Variants in CD99L2 observed in about 807,000 individuals in gnomAD.
The protein encoded by CD99L2 is CD99 antigen-like protein 2.
In CD99L2, 24 loss-of-function variants were observed where a neutral mutation model predicts 27.3. The observed-to-expected ratio is 0.88, with a 90% CI of 0.64 to 1.24. CD99L2 has a LOEUF of 1.24. Among genes scored for constraint, CD99L2 ranks in the 50% most tolerant of loss-of-function variants. The pLI, the probability that CD99L2 is intolerant of heterozygous loss-of-function variation, is 0.00. For synonymous variants in CD99L2, 97 were observed against 87.9 expected (o/e 1.10, Z -0.58); for missense variants, 255 against 221.6 (o/e 1.15, Z -0.96).
At chrX:150,821,213 G>T (rs782115773) in intron 2 of CD99L2, among the ~76,000 whole-genome samples, 18 of 111,429 alleles carry the variant, frequency 1.6e-4, no homozygotes, top group Middle Eastern at 4.6e-3. Flanking sequence ...TAGCCAAATC[G>T]ATCTTTAAAA....
At chrX:150,894,521 TTGG>T (rs1449618792) in intron 1 of CD99L2, among the ~76,000 whole-genome samples, 1 of 111,529 alleles carries the variant, frequency 9.0e-6, no homozygotes, top group Non-Finnish European at 1.9e-5. Flanking sequence ...GAGCAGGCAC[TTGG>T]TGGCTTGCCA....
rs2046446591 is a variant in CD99L2 at position 150,831,648 on chromosome X, C to T, written c.68-355G>A. Among the ~76,000 whole-genome samples, 3 of 111,160 alleles carry T rather than the reference C, an allele frequency of 2.7e-5. No homozygotes were observed. The South Asian group carries it at 1.1e-3, about 42-fold the overall frequency. On this transcript the variant is annotated intron_variant, in intron 1 of 10. Coordinates refer to ENST00000370377, the MANE Select transcript of CD99L2 (RefSeq NM_031462.4). ...GGTCAGGAAAAATAACCAATGGGTG[C>T]TAGGCTTATTACCTAGGTGAGGAAG... is the stretch of plus-strand genomic sequence containing the variant.
At chrX:150,811,371 A>G (rs1352425846) in intron 4 of CD99L2, among the ~76,000 whole-genome samples, 1 of 111,809 alleles carries the variant, frequency 8.9e-6, no homozygotes, top group Non-Finnish European at 1.9e-5. Flanking sequence ...TTAAAAAGGA[A>G]ATAGAAAATC....
intron 2 of CD99L2, among the ~76,000 whole-genome samples, chrX:150,826,818 C>A (rs1343642000): frequency 9.0e-6 from 1 of 111,617 alleles, no homozygotes; most frequent in Admixed American, 9.5e-5. Flanking sequence ...GTAAGCCTGG[C>A]TCTTCTCTGC....
chrX:150,828,531 T>C (rs1157499699), intron 2 of CD99L2: 10 of 111,320 alleles, frequency 9.0e-5, no homozygotes, highest in African/African-American at 3.3e-4. Flanking sequence ...ACTCAATATA[T>C]AATACAAAGA....
At chrX:150,824,148 GGAA>G (rs1158974844) in intron 2 of CD99L2, among the ~76,000 whole-genome samples, 8 of 40,112 alleles carry the variant, frequency 2.0e-4, no homozygotes, top group African/African-American at 9.9e-4. Flanking sequence ...AGGAGAAGAA[GGAA>G]GGAGGAGGAG....
chrX:150,883,511 T>C (rs1365550208), intron 1 of CD99L2, among the ~76,000 whole-genome samples: 5 of 110,912 alleles, frequency 4.5e-5, no homozygotes, highest in Admixed American at 9.7e-5. Flanking sequence ...CCCCAGAGGA[T>C]TGCAAGAAAG....
At chrX:150,825,138 AGTTT>A (rs782644691) in intron 2 of CD99L2, among the ~76,000 whole-genome samples, 20 of 112,066 alleles carry the variant, frequency 1.8e-4, no homozygotes, top group South Asian at 7.5e-4. Flanking sequence ...TGTCTAAATG[AGTTT>A]GTTTATGTAT....
chrX:150,851,215 G>C (rs1211761247), intron 1 of CD99L2, among the ~76,000 whole-genome samples: 1 of 112,012 alleles, frequency 8.9e-6, no homozygotes, highest in Admixed American at 9.5e-5. Context: ...ACTTGATTCT[G>C]TGCCTTCGAA....
chrX:150,769,667 GTCTCCCTGCCTGCGCCACCAGGCC>G (rs1303507006), intron 10 of CD99L2, among the ~76,000 whole-genome samples: 5 of 107,345 alleles, frequency 4.7e-5, no homozygotes, highest in African/African-American at 1.0e-4. Flanking sequence ...AGCTGTCCTA[GTCTCCCTGCCTGCGCCACCAGGCC>G]TCGGCTGCTC....
In CD99L2 at chrX:150,804,309, C is replaced by A. The variant is rs1317009436; in HGVS notation, c.278-8823G>T. On this transcript the variant is annotated intron_variant, in intron 4 of 10. Coordinates refer to ENST00000370377, the MANE Select transcript of CD99L2 (RefSeq NM_031462.4). ...GAACAACATTCTCCTGAACAACCAA[C>A]GGGTCAAAGAAGAAATCAAAAGGGA... Among the ~76,000 whole-genome samples, 3 of 112,107 alleles carry A rather than the reference C, an allele frequency of 2.7e-5. No individual in the cohort carries two copies. The East Asian group carries it at 8.3e-4, about 31-fold the overall frequency.
rs191534581 is a variant in CD99L2 at position 150,802,988 on chromosome X, C to T, written c.278-7502G>A. 2.8e-3 allele frequency among the ~76,000 whole-genome samples: 278 copies of T among 100,723 alleles called. 1 individual carries two copies. The highest frequency in any genetic ancestry group is 9.4e-3 in the African/African-American group (257 of 27,248). The allele number at this position is 100,723 out of a possible 115,157, so 87.5% of individuals were successfully genotyped here. On this transcript the variant is annotated intron_variant, in intron 4 of 10. Coordinates refer to ENST00000370377, the MANE Select transcript of CD99L2 (RefSeq NM_031462.4). ...TCAGCTCACTGCAAACTCCACCTCC[C>T]GGGTTCAAGCAATTCTCCTGCCTCA...
At chrX:150,798,542 A>G (rs1001387830) in intron 4 of CD99L2, among the ~76,000 whole-genome samples, 17 of 111,126 alleles carry the variant, frequency 1.5e-4, no homozygotes, top group African/African-American at 5.6e-4. Flanking sequence ...CTCAAAATAG[A>G]TAGAAGATTC....
chrX:150,820,343 A>G (rs2046226822), intron 2 of CD99L2, among the ~76,000 whole-genome samples: 1 of 111,360 alleles, frequency 9.0e-6, no homozygotes, highest in Non-Finnish European at 1.9e-5. Flanking sequence ...TGATAAAAAC[A>G]CTCAATGAAT....
chrX:150,854,287 C>T (rs1381879284), intron 1 of CD99L2, among the ~76,000 whole-genome samples: 1 of 111,724 alleles, frequency 9.0e-6, no homozygotes, highest in East Asian at 2.8e-4. Context: ...ATTATCCTGT[C>T]TGTTTTACCT....
At chrX:150,801,633 A>C (rs1174829460) in intron 4 of CD99L2, among the ~76,000 whole-genome samples, 1 of 111,573 alleles carries the variant, frequency 9.0e-6, no homozygotes, top group Non-Finnish European at 1.9e-5. Flanking sequence ...GAAAAAAAAA[A>C]CATATAGACT....
chrX:150,898,506 C>A lies in CD99L2; in HGVS notation c.67+16G>T. The stretch of plus-strand genomic sequence containing the variant: ...GGGTCCCCGCGCGGTCCCCGCGCGC[C>A]CCCCGCCCGCCTTACCTCGCTGGAC... On this transcript the variant is annotated intron_variant, in intron 1 of 10. Transcript: ENST00000370377. 1 of 1,099,624 alleles carries A rather than the reference C, an allele frequency of 9.1e-7. No homozygotes were observed. Among genetic ancestry groups the A allele is most frequent in the Non-Finnish European group, 1.2e-6 (1 of 841,891 alleles). 90.6% of individuals were successfully genotyped at this position (1,099,624 alleles called of 1,213,427 possible). A position where few individuals can be genotyped will look rare whatever the true frequency, so the allele number is the denominator to read the frequency against.
At chrX:150,795,597 G>A (rs139444723) in intron 4 of CD99L2, 111 bp from the exon 5 acceptor site, 19 of 717,457 alleles carry the variant, frequency 2.6e-5, no homozygotes, top group Non-Finnish European at 3.9e-5. Flanking sequence ...GGTCCTTGAG[G>A]CTCCTATAGG....
chrX:150,771,007 G>A (rs1391158905), intron 9 of CD99L2, among the ~76,000 whole-genome samples: 1 of 112,487 alleles, frequency 8.9e-6, no homozygotes, highest in African/African-American at 3.2e-5. Context: ...GGGATTCGGG[G>A]ACTGTACCAA....
Sources: allele counts gnomAD v4.1 joint callset (sites outside exome capture counted in the v4.1 genomes callset), GRCh38; gene constraint gnomAD v4.1.1; transcripts MANE v1.5; gene names NCBI Gene and HGNC (gene_info 2026-07-23, HGNC 2026-07-21).